HIVEP1: variants seen among roughly 807,000 people sequenced by gnomAD.
The protein encoded by HIVEP1 is HIVEP zinc finger 1.
A neutral mutation model predicts 180.0 loss-of-function variants in HIVEP1; 36 were observed. That is an observed-to-expected ratio of 0.20 (90% CI 0.15 to 0.26). The LOEUF (loss-of-function observed/expected upper bound fraction) is 0.26, where lower values mean the gene tolerates loss of function less well. Among genes scored for constraint, HIVEP1 ranks in the 10% least tolerant of loss-of-function variants. HIVEP1 has a pLI of 1.00. For missense variants in HIVEP1, 3,143 were observed against 3,268.7 expected (o/e 0.96, Z 0.94); for synonymous variants, 1,239 against 1,239.0 (o/e 1.00, Z 0.00).
At chr6:12,141,442 G>A (rs1759019057) in intron 7 of HIVEP1, among the ~76,000 whole-genome samples, 1 of 151,996 alleles carries the variant, frequency 6.6e-6, no homozygotes, top group Non-Finnish European at 1.5e-5. Context: ...GACCATCAAT[G>A]CTTGGAAGAA....
At chr6:12,156,979 C>T (rs1221754009) in intron 7 of HIVEP1, among the ~76,000 whole-genome samples, 7 of 151,448 alleles carry the variant, frequency 4.6e-5, no homozygotes, top group Admixed American at 1.3e-4. Flanking sequence ...TTTCAGTTTC[C>T]GCTCCTTTAT....
chr6:12,101,455 C>T (rs570699524), intron 3 of HIVEP1, among the ~76,000 whole-genome samples: 12 of 151,964 alleles, frequency 7.9e-5, no homozygotes, highest in Admixed American at 5.9e-4. Context: ...GAAAATAGAG[C>T]TATATAGGCA....
intron 2 of HIVEP1, among the ~76,000 whole-genome samples, chr6:12,070,699 A>G (rs771491700): frequency 6.6e-6 from 1 of 152,224 alleles, no homozygotes; most frequent in Non-Finnish European, 1.5e-5. Context: ...ATATTTCTAC[A>G]GTTTGAACTT....
At chr6:12,083,403 A>T (rs1408146460) in intron 2 of HIVEP1, among the ~76,000 whole-genome samples, 1 of 152,182 alleles carries the variant, frequency 6.6e-6, no homozygotes, top group African/African-American at 2.4e-5. Context: ...ATATCGCAAT[A>T]GCAGTTCATT....
At chr6:12,130,624 A>G (rs1758365929) in intron 5 of HIVEP1, 143 bp from the exon 6 acceptor site, 2 of 510,752 alleles carry the variant, frequency 3.9e-6, no homozygotes, top group Non-Finnish European at 7.1e-6. Context: ...AAGCTGGAAT[A>G]TTCTGTTACA....
rs1767690950 is a variant in HIVEP1 at position 12,015,618 on chromosome 6, AG to A, written c.-10del. On this transcript the variant is annotated 5_prime_UTR_variant, in exon 2 of 9. Coordinates refer to ENST00000379388, the MANE Select transcript of HIVEP1 (RefSeq NM_002114.4). ...TTTTAAGAAGAAAAAGAAGGCCCTG[AG>A]TCAAAGAAGATGCCTCGAACTAAAC... 6.2e-7 allele frequency: 1 copy of A among 1,613,022 alleles called. No individual in the cohort carries two copies. Among genetic ancestry groups the A allele is most frequent in the Non-Finnish European group, 8.5e-7 (1 of 1,179,350 alleles).
intron 2 of HIVEP1, among the ~76,000 whole-genome samples, chr6:12,022,907 C>T (rs987818499): frequency 6.6e-6 from 1 of 152,206 alleles, no homozygotes; most frequent in South Asian, 2.1e-4. Flanking sequence ...CAATGTGCTG[C>T]TCCCTCCATT....
At chr6:12,019,794 T>C (rs551837422) in intron 2 of HIVEP1, among the ~76,000 whole-genome samples, 7 of 152,354 alleles carry the variant, frequency 4.6e-5, no homozygotes, top group South Asian at 2.1e-4. Flanking sequence ...GGGACAGATA[T>C]ATCCCTACGG....
intron 7 of HIVEP1, among the ~76,000 whole-genome samples, chr6:12,154,605 A>C (rs193038564): frequency 2.0e-5 from 3 of 152,232 alleles, no homozygotes; most frequent in Non-Finnish European, 2.9e-5. Flanking sequence ...TCACATGGAC[A>C]CAAGGAGGGG....
chr6:12,207,271 C>T, the HIVEP1 span, among the ~76,000 whole-genome samples: 6 of 152,106 alleles, frequency 3.9e-5, no homozygotes, highest in Non-Finnish European at 7.4e-5. Context: ...AGTAATGTGC[C>T]TGCTGAAGAT....
At chr6:12,092,772 A>G (rs1773558791) in intron 3 of HIVEP1, among the ~76,000 whole-genome samples, 1 of 152,198 alleles carries the variant, frequency 6.6e-6, no homozygotes, top group Non-Finnish European at 1.5e-5. Context: ...TTAAAAGAAA[A>G]ACTTTAGACA....
chr6:12,075,451 ACTCTGCGCTGGC>A (rs1184530313), intron 2 of HIVEP1, among the ~76,000 whole-genome samples: 1 of 151,982 alleles, frequency 6.6e-6, no homozygotes, highest in African/African-American at 2.4e-5. Flanking sequence ...TTGAATGCCC[ACTCTGCGCTGGC>A]CTTTAGCTGC....
intron 7 of HIVEP1, 89 bp downstream of exon 7, chr6:12,135,981 C>A: frequency 1.4e-6 from 1 of 713,974 alleles, no homozygotes; most frequent in South Asian, 1.7e-5. Context: ...ACTGATTCTG[C>A]CTAATTCTGT....
chr6:12,038,037 T>A, intron 2 of HIVEP1: 1 of 335,762 alleles, frequency 3.0e-6, no homozygotes, highest in Non-Finnish European at 5.3e-6. Flanking sequence ...TCTTCTTATT[T>A]TTAAACATCC....
At chr6:12,166,779 T>A (rs1308243458), downstream of HIVEP1, among the ~76,000 whole-genome samples, 1 of 152,202 alleles carries the variant, frequency 6.6e-6, no homozygotes, top group Non-Finnish European at 1.5e-5. Context: ...CTGTCGTGTG[T>A]GGAGACCCAG....
chr6:12,173,939 A>G, the HIVEP1 span, among the ~76,000 whole-genome samples: 7 of 152,144 alleles, frequency 4.6e-5, no homozygotes, highest in African/African-American at 7.2e-5. Flanking sequence ...AGCAAGGCTT[A>G]TTTTTGCCCA....
intron 7 of HIVEP1, among the ~76,000 whole-genome samples, chr6:12,146,152 G>A (rs183447679): frequency 6.6e-6 from 1 of 152,270 alleles, no homozygotes; most frequent in East Asian, 1.9e-4. Context: ...TTTCGAATTA[G>A]ATATAGTCGG....
In HIVEP1 at chr6:12,161,657, G is replaced by A. The variant is rs747814207; in HGVS notation, c.6706G>A (p.Asp2236Asn). 5.1e-5 allele frequency: 82 copies of A among 1,614,020 alleles called. No homozygotes were observed. The highest frequency in any genetic ancestry group is 6.4e-5 in the Non-Finnish European group (75 of 1,180,028). Residue 2236 changes from aspartate (D) to asparagine (N), a missense_variant, in exon 8 of 9, where the codon GAT becomes AAT. This residue lies in a region of HIVEP1 where 595 missense variants were observed against 602.2 expected (regional missense o/e 0.99). Coordinates refer to ENST00000379388, the MANE Select transcript of HIVEP1 (RefSeq NM_002114.4). ...VSTDEDVRIT[D>N]CFSGVHTDPM... ...TACTGACGAGGATGTCAGGATCACC[G>A]ATTGCTTTTCTGGGGTACACACGGA...
At chr6:12,091,683 T>C (rs576626891) in intron 3 of HIVEP1, among the ~76,000 whole-genome samples, 1 of 152,308 alleles carries the variant, frequency 6.6e-6, no homozygotes, top group South Asian at 2.1e-4. Context: ...AATGTACTTA[T>C]TTTATTCTTT....
Sources: allele counts gnomAD v4.1 joint callset (sites outside exome capture counted in the v4.1 genomes callset), GRCh38; gene constraint gnomAD v4.1.1; regional missense constraint gnomAD v4.1.1; transcripts MANE v1.5; gene names NCBI Gene and HGNC (gene_info 2026-07-23, HGNC 2026-07-21).